PEAK1: variants seen among roughly 807,000 people sequenced by gnomAD.
PEAK1 encodes inactive tyrosine-protein kinase PEAK1.
Under a neutral mutation model 124.7 loss-of-function variants are expected in PEAK1, and 54 were observed. The ratio of observed to expected loss-of-function variants is 0.43; its 90% CI spans 0.35 to 0.54. The LOEUF (loss-of-function observed/expected upper bound fraction) is 0.54, where lower values mean the gene tolerates loss of function less well. Ranked by LOEUF, PEAK1 falls within the 20% of genes least tolerant of loss-of-function variation. PEAK1 has a pLI of 0.01. For synonymous variants in PEAK1, 719 were observed against 760.0 expected (o/e 0.95, Z 0.89); for missense variants, 2,046 against 2,134.5 (o/e 0.96, Z 0.82).
intron 1 of PEAK1, among the ~76,000 whole-genome samples, chr15:77,416,651 CCT>C (rs1380181629): frequency 6.6e-5 from 10 of 152,238 alleles, no homozygotes; most frequent in African/African-American, 1.7e-4. Context: ...TTCATCCACC[CCT>C]GTTCTAAAGC....
intron 1 of PEAK1, among the ~76,000 whole-genome samples, chr15:77,377,404 A>G (rs1359299667): frequency 6.6e-6 from 1 of 151,922 alleles, no homozygotes; most frequent in African/African-American, 2.4e-5. Context: ...GTAAAACACA[A>G]TTACAGATAA....
At chr15:77,191,158 A>G (rs1235029023) in intron 6 of PEAK1, among the ~76,000 whole-genome samples, 1 of 152,212 alleles carries the variant, frequency 6.6e-6, no homozygotes, top group Non-Finnish European at 1.5e-5. Flanking sequence ...ATGTCAGGTA[A>G]GCATTCCTCT....
At position 77,110,043 on chromosome 15, in the gene PEAK1, C is replaced by G. The variant is rs2050893927; in HGVS notation, c.*4113G>C. 1 of 152,170 alleles carries G rather than the reference C, an allele frequency of 6.6e-6. No homozygotes were observed. Among genetic ancestry groups the G allele is most frequent in the African/African-American group, 2.4e-5 (1 of 41,446 alleles). 9.4% of individuals were successfully genotyped at this position (152,170 alleles called of 1,614,324 possible). A position where few individuals can be genotyped will look rare whatever the true frequency, so the allele number is the denominator to read the frequency against. On this transcript the variant is annotated 3_prime_UTR_variant, in exon 10 of 10. Transcript: ENST00000682557. ...CCAAATGTCAGGTTACTTCCCTGAA[C>G]CAAAGTATTCATAACTCAAAATTGA... is the stretch of plus-strand genomic sequence containing the variant.
chr15:77,388,941 T>C (rs2070201103), intron 1 of PEAK1, among the ~76,000 whole-genome samples: 1 of 151,874 alleles, frequency 6.6e-6, no homozygotes, highest in Non-Finnish European at 1.5e-5. Context: ...TCTTTCTGCC[T>C]GTCTACCTTC....
intron 6 of PEAK1, among the ~76,000 whole-genome samples, chr15:77,223,316 C>T (rs1291594042): frequency 6.6e-6 from 1 of 152,028 alleles, no homozygotes; most frequent in Non-Finnish European, 1.5e-5. Context: ...CTTTCACTCA[C>T]TCACTCATAG....
At chr15:77,148,160 CAGG>C (rs1255107238) in intron 8 of PEAK1, among the ~76,000 whole-genome samples, 1 of 152,088 alleles carries the variant, frequency 6.6e-6, no homozygotes, top group East Asian at 1.9e-4. Context: ...TTGCATAAAT[CAGG>C]AGCTCTTTGT....
chr15:77,191,875 A>C (rs1437169870), intron 6 of PEAK1, among the ~76,000 whole-genome samples: 2 of 152,064 alleles, frequency 1.3e-5, no homozygotes, highest in Non-Finnish European at 2.9e-5. Flanking sequence ...CTAAATTGAT[A>C]ATTTTTATCA....
chr15:77,352,633 A>C, intron 2 of PEAK1: 1 of 955,660 alleles, frequency 1.0e-6, no homozygotes, highest in Non-Finnish European at 1.2e-6. Flanking sequence ...TGAATAACTG[A>C]ATATTTCTGC....
At chr15:77,353,336 G>A (rs1040579524) in intron 2 of PEAK1, among the ~76,000 whole-genome samples, 3 of 152,150 alleles carry the variant, frequency 2.0e-5, no homozygotes, top group Non-Finnish European at 2.9e-5. Flanking sequence ...GACTAAGTTT[G>A]GGATGGCTGC....
upstream of PEAK1, chr15:77,420,662 A>C (rs1254066820): frequency 2.6e-6 from 1 of 390,130 alleles, no homozygotes; most frequent in African/African-American, 2.1e-5. Flanking sequence ...AACCTCCACG[A>C]AAATAAGGCT....
intron 2 of PEAK1, among the ~76,000 whole-genome samples, chr15:77,317,310 T>C (rs1597264694): frequency 6.6e-6 from 1 of 152,130 alleles, no homozygotes; most frequent in Non-Finnish European, 1.5e-5. Flanking sequence ...AAAACAAAGA[T>C]AAAATATGCC....
intron 1 of PEAK1, among the ~76,000 whole-genome samples, chr15:77,389,181 T>C (rs954233501): frequency 2.6e-5 from 4 of 152,256 alleles, no homozygotes; most frequent in African/African-American, 9.6e-5. Context: ...CTCGAACTCC[T>C]GGGCTCAAAG....
At chr15:77,269,391 T>A (rs1320736999) in intron 5 of PEAK1, among the ~76,000 whole-genome samples, 1 of 152,080 alleles carries the variant, frequency 6.6e-6, no homozygotes, top group Non-Finnish European at 1.5e-5. Flanking sequence ...CAAAACAAAC[T>A]TTAAATCAAC....
chr15:77,337,783 T>C, intron 2 of PEAK1: 1 of 985,300 alleles, frequency 1.0e-6, no homozygotes, highest in Non-Finnish European at 1.2e-6. Context: ...ACACATTTTA[T>C]ACTTGAGGAA....
At chr15:77,342,204 T>G in intron 2 of PEAK1, among the ~76,000 whole-genome samples, 1 of 151,334 alleles carries the variant, frequency 6.6e-6, no homozygotes, top group South Asian at 2.1e-4. Flanking sequence ...TTCACCATCT[T>G]TAAGTGTACA....
chr15:77,116,388 C>T (rs1446382079), intron 9 of PEAK1, among the ~76,000 whole-genome samples: 4 of 152,186 alleles, frequency 2.6e-5, no homozygotes, highest in African/African-American at 9.7e-5. Flanking sequence ...GGAACATGCA[C>T]TCTCTGTAGT....
chr15:77,242,162 A>G (rs1236954337), intron 6 of PEAK1, among the ~76,000 whole-genome samples: 9 of 152,098 alleles, frequency 5.9e-5, no homozygotes, highest in Non-Finnish European at 7.4e-5. Context: ...GTATTTGCAC[A>G]CATCTTTATT....
chr15:77,356,874 T>A (rs2067551515), intron 2 of PEAK1, among the ~76,000 whole-genome samples: 1 of 152,226 alleles, frequency 6.6e-6, no homozygotes, highest in Non-Finnish European at 1.5e-5. Context: ...TTACATAAAT[T>A]ATACTATAAC....
At chr15:77,326,591 T>C (rs752542089) in intron 2 of PEAK1, among the ~76,000 whole-genome samples, 4 of 151,898 alleles carry the variant, frequency 2.6e-5, no homozygotes, top group African/African-American at 9.7e-5. Flanking sequence ...ATTTCTCTCA[T>C]CACAGAAACT....
Sources: allele counts gnomAD v4.1 joint callset (sites outside exome capture counted in the v4.1 genomes callset), GRCh38; gene constraint gnomAD v4.1.1; transcripts MANE v1.5; gene names NCBI Gene and HGNC (gene_info 2026-07-23, HGNC 2026-07-21).